The following MED23 variants were observed in gnomAD, a reference collection of about 807,000 sequenced individuals.
The protein encoded by MED23 is mediator of RNA polymerase II transcription subunit 23.
A neutral mutation model predicts 163.9 loss-of-function variants in MED23; 105 were observed. The observed-to-expected ratio is 0.64, with a 90% CI of 0.55 to 0.75. The LOEUF is 0.75. MED23 is among the 30% of genes least tolerant of loss of function. The probability of loss-of-function intolerance (pLI) is 0.00; values close to 1 mark genes in which losing one functional copy is unlikely to be tolerated. For synonymous variants in MED23, 561 were observed against 565.6 expected (o/e 0.99, Z 0.12); for missense variants, 1,054 against 1,649.0 (o/e 0.64, Z 6.25).
intron 30 of MED23, among the ~76,000 whole-genome samples, chr6:131,575,807 T>C (rs1034105225): frequency 6.6e-6 from 1 of 152,180 alleles, no homozygotes; most frequent in African/African-American, 2.4e-5. Flanking sequence ...AGAGTGTTAG[T>C]TTCCCTAATG....
At chr6:131,586,316 C>T (rs1235609018), downstream of MED23, among the ~76,000 whole-genome samples, 2 of 151,526 alleles carry the variant, frequency 1.3e-5, no homozygotes, top group Non-Finnish European at 2.9e-5. Flanking sequence ...AGGAGAATGG[C>T]GTGAACCCGG....
intron 10 of MED23, among the ~76,000 whole-genome samples, chr6:131,610,689 T>C (rs753441075): frequency 6.6e-6 from 1 of 152,210 alleles, no homozygotes; most frequent in Non-Finnish European, 1.5e-5. Context: ...AAAGCAGTTA[T>C]GTGAATCTCT....
chr6:131,613,459 T>C (rs971409138), intron 10 of MED23, among the ~76,000 whole-genome samples: 2 of 152,110 alleles, frequency 1.3e-5, no homozygotes, highest in Non-Finnish European at 2.9e-5. Context: ...ATCACATTGC[T>C]AGAGAAAGGA....
At chr6:131,594,047 A>G in intron 23 of MED23, 52 bp downstream of exon 23, 1 of 1,433,692 alleles carries the variant, frequency 7.0e-7, no homozygotes, top group East Asian at 2.3e-5. Flanking sequence ...ATATTCTCAT[A>G]AATCAAAATA....
chr6:131,627,423 G>A lies in MED23; in HGVS notation c.132C>T (p.Phe44=), dbSNP rs1371014311. 1 of 1,612,778 alleles carries A rather than the reference G, an allele frequency of 6.2e-7. No individual in the cohort carries two copies. Among genetic ancestry groups the A allele is most frequent in the South Asian group, 1.1e-5 (1 of 91,038 alleles). The part of the protein sequence containing the change: ...KTKLISCLGA[F]RQFWGGLSQE... ...GAGAAAGACCACCCCAAAACTGTCT[G>A]AAGGCCCCCAAACAGCTAATTAGTT... The change falls in exon 3 of 29, where the codon TTC becomes TTT. Residue 44 remains phenylalanine, a synonymous_variant. Transcript: ENST00000368068.
At chr6:131,618,601 T>C in intron 8 of MED23, 82 bp from the exon 9 acceptor site, 1 of 902,646 alleles carries the variant, frequency 1.1e-6, no homozygotes, top group Non-Finnish European at 1.8e-6. Flanking sequence ...AATGAACATA[T>C]ATGCTGAAAT....
At chr6:131,585,722 A>G (rs1405728562), downstream of MED23, among the ~76,000 whole-genome samples, 2 of 152,228 alleles carry the variant, frequency 1.3e-5, no homozygotes, top group African/African-American at 4.8e-5. Flanking sequence ...AAAAAGAAAA[A>G]CTTTTAGGAT....
intron 11 of MED23, 41 bp from the exon 12 acceptor site, chr6:131,608,112 T>C: frequency 6.2e-7 from 1 of 1,606,494 alleles, no homozygotes; most frequent in Non-Finnish European, 8.5e-7. Flanking sequence ...CACTGCTACT[T>C]AAAGAGATGA....
At position 131,581,344 on chromosome 6, in the gene MED23, C is replaced by T. The variant is rs1773915079; in HGVS notation, c.4095+6365G>A. 7 of 1,613,754 alleles carry T rather than the reference C, an allele frequency of 4.3e-6. No individual in the cohort carries two copies. Among genetic ancestry groups the T allele is most frequent in the Non-Finnish European group, 5.9e-6 (7 of 1,179,822 alleles). ...ACAAGTGGAAACTTGCATGGACAAC[C>T]TGTATCTTTCCTCCTGAAGGAACTA... On this transcript the variant is annotated intron_variant, in intron 30 of 30. Coordinates refer to the MED23 transcript ENST00000354577.
chr6:131,608,883 T>C (rs1776056179), intron 11 of MED23, among the ~76,000 whole-genome samples: 1 of 152,242 alleles, frequency 6.6e-6, no homozygotes, highest in African/African-American at 2.4e-5. Flanking sequence ...AAATGTCTTT[T>C]CCCACAAACT....
intron 25 of MED23, chr6:131,591,750 A>G (rs1169345382): frequency 1.7e-6 from 1 of 596,268 alleles, no homozygotes; most frequent in Non-Finnish European, 3.0e-6. Context: ...CAGCTCATTT[A>G]GGTACCTGAT....
intron 5 of MED23, among the ~76,000 whole-genome samples, chr6:131,622,799 C>T (rs1286641316): frequency 6.6e-6 from 1 of 152,158 alleles, no homozygotes; most frequent in Non-Finnish European, 1.5e-5. Context: ...CAGGGTCAGA[C>T]ACTGGTAATT....
At chr6:131,580,664 C>T (rs1050275212) in intron 30 of MED23, among the ~76,000 whole-genome samples, 1 of 152,124 alleles carries the variant, frequency 6.6e-6, no homozygotes, top group African/African-American at 2.4e-5. Context: ...TAACTAGATG[C>T]ATTGAATAGA....
At position 131,596,753 on chromosome 6, in the gene MED23, T is replaced by A. The variant is rs558643013; in HGVS notation, c.2608-65A>T. On this transcript the variant is annotated intron_variant, in intron 20 of 28. Transcript: ENST00000368068. ...CCTGTGTAAAATCATGAGGGCCATC[T>A]GAAAGCCTAGATTTTAACAAAGTAA... 3 of 1,447,476 alleles carry A rather than the reference T, an allele frequency of 2.1e-6. No individual in the cohort carries two copies. The African/African-American group carries it at 4.2e-5, about 20-fold the overall frequency. 89.7% of individuals were successfully genotyped at this position (1,447,476 alleles called of 1,614,324 possible).
At position 131,587,050 on chromosome 6, in the gene MED23, A is replaced by C; in HGVS notation, c.*629T>G. On this transcript the variant is annotated 3_prime_UTR_variant, in exon 29 of 29. Coordinates refer to ENST00000368068, the MANE Select transcript of MED23 (RefSeq NM_004830.4). ...TTATTTTCTTACATGGCTTCCAACTAATTTTATACAGTAAGTTCAAGTCCA... is the reference window on the plus strand; with the variant it reads ...TTATTTTCTTACATGGCTTCCAACTCATTTTATACAGTAAGTTCAAGTCCA... 1 of 1,406,772 alleles carries C rather than the reference A, an allele frequency of 7.1e-7. No individual in the cohort carries two copies. Among genetic ancestry groups the C allele is most frequent in the South Asian group, 1.7e-5 (1 of 58,372 alleles). 87.1% of individuals were successfully genotyped at this position (1,406,772 alleles called of 1,614,324 possible). A position where few individuals can be genotyped will look rare whatever the true frequency, so the allele number is the denominator to read the frequency against.
chr6:131,614,935 T>C (rs951393272), intron 10 of MED23, among the ~76,000 whole-genome samples: 1 of 151,818 alleles, frequency 6.6e-6, no homozygotes, highest in African/African-American at 2.4e-5. Context: ...CCACAAATCT[T>C]TCCATCTCTG....
Position 131,628,090 on chromosome 6 carries a change from C to A in MED23, c.-41G>T, listed in dbSNP as rs749606684. On this transcript the variant is annotated 5_prime_UTR_variant, in exon 1 of 29. Coordinates refer to ENST00000368068, the MANE Select transcript of MED23 (RefSeq NM_004830.4). ...CGCCTTTCCAGGGTGCCCGGCAAGGCCCGGATCAGACTCGAGCTCTGGGAA... is the reference window on the plus strand; with the variant it reads ...CGCCTTTCCAGGGTGCCCGGCAAGGACCGGATCAGACTCGAGCTCTGGGAA... The A allele has an allele frequency of 1.9e-6, 3 of 1,611,862 alleles. No homozygotes were observed. Among genetic ancestry groups the A allele is most frequent in the Non-Finnish European group, 2.5e-6 (3 of 1,178,566 alleles).
chr6:131,582,352 A>G (rs1773969552), downstream of MED23, among the ~76,000 whole-genome samples: 1 of 152,138 alleles, frequency 6.6e-6, no homozygotes, highest in African/African-American at 2.4e-5. Flanking sequence ...TGGGAGCACA[A>G]TCGTTTCTTT....
At chr6:131,594,688 CAG>C (rs1328528938) in intron 22 of MED23, among the ~76,000 whole-genome samples, 6 of 152,250 alleles carry the variant, frequency 3.9e-5, no homozygotes, top group Non-Finnish European at 8.8e-5. Context: ...AGGTCAAAAA[CAG>C]GGGACTGATA....
Sources: gnomAD v4.1 joint callset for allele counts (sites outside exome capture counted in the v4.1 genomes callset) on GRCh38, gnomAD v4.1.1 for gene constraint, MANE v1.5 for transcripts, NCBI Gene and HGNC (gene_info 2026-07-23, HGNC 2026-07-21) for gene names.